The following STIM1 variants were observed in gnomAD, a reference collection of about 807,000 sequenced individuals.
STIM1 encodes the protein stromal interaction molecule 1.
STIM1 carries 25 observed loss-of-function variants against 74.7 expected under a neutral mutation model. The observed-to-expected ratio is 0.33, with a 90% CI of 0.24 to 0.47. The LOEUF (loss-of-function observed/expected upper bound fraction) is 0.47, where lower values mean the gene tolerates loss of function less well. Among genes scored for constraint, STIM1 ranks in the 20% least tolerant of loss-of-function variants. The probability of loss-of-function intolerance (pLI) is 1.00; values close to 1 mark genes in which losing one functional copy is unlikely to be tolerated. For missense variants in STIM1, 728 were observed against 920.8 expected, an observed-to-expected ratio of 0.79 and a Z score of 2.71; for synonymous variants, 328 against 348.8, an observed-to-expected ratio of 0.94 and a Z score of 0.66.
At chr11:3,891,201 G>T (rs1397396593) in intron 1 of STIM1, among the ~76,000 whole-genome samples, 1 of 152,046 alleles carries the variant, frequency 6.6e-6, no homozygotes, top group Non-Finnish European at 1.5e-5. Flanking sequence ...CTAGTAATTG[G>T]TGCAAGTAGG....
intron 1 of STIM1, among the ~76,000 whole-genome samples, chr11:3,874,729 C>T (rs1258547712): frequency 2.6e-5 from 4 of 152,228 alleles, no homozygotes; most frequent in Admixed American, 2.6e-4. Context: ...GAATCTACCT[C>T]CCTCATCTGA....
chr11:4,011,907 G>A (rs1007582714), intron 2 of STIM1, among the ~76,000 whole-genome samples: 4 of 152,126 alleles, frequency 2.6e-5, no homozygotes, highest in Admixed American at 2.6e-4. Context: ...TGTATAAGGT[G>A]TAAGGAAGGG....
chr11:4,092,115 C>G lies in STIM1; in HGVS notation c.*317C>G, dbSNP rs199875831. 1.4e-5 allele frequency: 6 copies of G among 435,096 alleles called. No homozygotes were observed. The highest frequency in any genetic ancestry group is 2.6e-5 in the Non-Finnish European group (6 of 234,584). The allele number at this position is 435,096 out of a possible 1,614,324, so 27.0% of individuals were successfully genotyped here. A position where few individuals can be genotyped will look rare whatever the true frequency, so the allele number is the denominator to read the frequency against. The stretch of plus-strand genomic sequence containing the variant: ...CACCTCTGGGGTTCAGCTTCTGTCT[C>G]TGCTGTCCCAGTTTTGAGGTTTGGT... On this transcript the variant is annotated 3_prime_UTR_variant, in exon 13 of 13. Transcript: ENST00000526596.
chr11:4,055,229 A>T (rs998640673), intron 3 of STIM1, among the ~76,000 whole-genome samples: 14 of 152,246 alleles, frequency 9.2e-5, no homozygotes, highest in African/African-American at 2.7e-4. Flanking sequence ...ACCACATTCA[A>T]GATATAGAAT....
chr11:3,972,913 G>T, intron 2 of STIM1: 1 of 499,114 alleles, frequency 2.0e-6, no homozygotes, highest in Admixed American at 2.0e-5. Context: ...TCCTCCTTTC[G>T]TGCATCCAAA....
chr11:3,896,804 T>C (rs1274921416), intron 1 of STIM1, among the ~76,000 whole-genome samples: 2 of 152,198 alleles, frequency 1.3e-5, no homozygotes, highest in Non-Finnish European at 2.9e-5. Context: ...ATCACTATAG[T>C]ACTATATGCT....
chr11:3,886,691 A>C (rs1461501822), intron 1 of STIM1, among the ~76,000 whole-genome samples: 935 of 76,658 alleles, frequency 0.012, 10 homozygotes, highest in African/African-American at 0.033. Flanking sequence ...CTGTGTCAAA[A>C]AAAAAAAAAA....
At chr11:3,916,597 G>A (rs1029467511) in intron 1 of STIM1, among the ~76,000 whole-genome samples, 12 of 151,882 alleles carry the variant, frequency 7.9e-5, no homozygotes, top group African/African-American at 2.2e-4. Flanking sequence ...GATTACAGGT[G>A]CCTGCCACCA....
intron 3 of STIM1, among the ~76,000 whole-genome samples, chr11:4,028,522 C>T (rs999917286): frequency 5.3e-5 from 8 of 151,512 alleles, no homozygotes; most frequent in African/African-American, 1.2e-4. Flanking sequence ...GATTCTCCTG[C>T]GTCAGCCTCC....
chr11:3,922,748 T>C (rs1389216248), intron 1 of STIM1: 2 of 174,380 alleles, frequency 1.1e-5, no homozygotes, highest in African/African-American at 4.7e-5. Flanking sequence ...TTCTTCTTCC[T>C]TAACTGGGTC....
chr11:3,941,746 G>T (rs2093013640), intron 1 of STIM1, among the ~76,000 whole-genome samples: 1 of 151,282 alleles, frequency 6.6e-6, no homozygotes, highest in Non-Finnish European at 1.5e-5. Context: ...GAGTGCAATG[G>T]TATGATCATG....
chr11:3,989,476 A>T, intron 2 of STIM1: 1 of 668,600 alleles, frequency 1.5e-6, no homozygotes. Flanking sequence ...GGCGGCGTGG[A>T]GGGTGCGTGC....
chr11:3,864,919 A>G (rs1184672675), intron 1 of STIM1, among the ~76,000 whole-genome samples: 1 of 152,110 alleles, frequency 6.6e-6, no homozygotes, highest in Non-Finnish European at 1.5e-5. Flanking sequence ...CATTGCTTTG[A>G]CATGACCTAT....
intron 1 of STIM1, among the ~76,000 whole-genome samples, chr11:3,863,289 T>C (rs1299183987): frequency 7.7e-6 from 1 of 129,932 alleles, no homozygotes; most frequent in Admixed American, 8.0e-5. Context: ...ACAGGGTCTC[T>C]CTGTCACCTA....
intron 2 of STIM1, among the ~76,000 whole-genome samples, chr11:4,022,495 T>A (rs574667365): frequency 4.1e-4 from 62 of 152,266 alleles, no homozygotes; most frequent in Non-Finnish European, 7.9e-4. Context: ...TGGCTAGGAC[T>A]TTCATTACTG....
chr11:4,009,366 A>G (rs1411924112), intron 2 of STIM1, among the ~76,000 whole-genome samples: 1 of 151,834 alleles, frequency 6.6e-6, no homozygotes, highest in Non-Finnish European at 1.5e-5. Context: ...TAATCCCAGC[A>G]CTTTGGGAGG....
intron 3 of STIM1, among the ~76,000 whole-genome samples, chr11:4,028,497 C>T (rs2094018184): frequency 6.6e-6 from 1 of 151,424 alleles, no homozygotes; most frequent in African/African-American, 2.4e-5. Context: ...CAACCTCTGC[C>T]TTCCAAGTTC....
chr11:3,998,150 G>T (rs1477226263), intron 2 of STIM1, among the ~76,000 whole-genome samples: 1 of 152,062 alleles, frequency 6.6e-6, no homozygotes, highest in Non-Finnish European at 1.5e-5. Flanking sequence ...CTATTCTAAG[G>T]TATTTAGTTG....
chr11:3,886,866 G>T (rs1284619572), intron 1 of STIM1, among the ~76,000 whole-genome samples: 3 of 151,858 alleles, frequency 2.0e-5, no homozygotes, highest in Non-Finnish European at 4.4e-5. Context: ...GCCAGGTGTG[G>T]TGGCGGGTGC....
Sources: allele counts gnomAD v4.1 joint callset (sites outside exome capture counted in the v4.1 genomes callset), GRCh38; gene constraint gnomAD v4.1.1; transcripts MANE v1.5; gene names NCBI Gene and HGNC (gene_info 2026-07-23, HGNC 2026-07-21).